Variants in LDLRAD3 observed in about 807,000 individuals in gnomAD.
The protein encoded by LDLRAD3 is low-density lipoprotein receptor class A domain-containing protein 3.
In LDLRAD3, 20 loss-of-function variants were observed where a neutral mutation model predicts 29.4. The ratio of observed to expected loss-of-function variants is 0.68; its 90% CI spans 0.48 to 0.99. The LOEUF is 0.99. Among genes scored for constraint, LDLRAD3 ranks in the 50% least tolerant of loss-of-function variants. The pLI is 0.00. For synonymous variants in LDLRAD3, 157 were observed against 192.7 expected, an observed-to-expected ratio of 0.81 and a Z score of 1.53; for missense variants, 420 against 454.3, an observed-to-expected ratio of 0.92 and a Z score of 0.69.
intron 2 of LDLRAD3, among the ~76,000 whole-genome samples, chr11:36,041,356 G>A (rs1222935778): frequency 6.6e-6 from 1 of 152,168 alleles, no homozygotes; most frequent in African/African-American, 2.4e-5. Context: ...CTTGCCTGTT[G>A]GCCCAGAAAA....
At chr11:36,015,292 C>G (rs1348876632) in intron 1 of LDLRAD3, among the ~76,000 whole-genome samples, 1 of 149,196 alleles carries the variant, frequency 6.7e-6, no homozygotes, top group African/African-American at 2.5e-5. Flanking sequence ...AAAAATAAAT[C>G]CGGGACATGC....
intron 4 of LDLRAD3, among the ~76,000 whole-genome samples, chr11:36,135,709 A>G (rs1015460646): frequency 6.6e-6 from 1 of 152,162 alleles, no homozygotes; most frequent in Non-Finnish European, 1.5e-5. Context: ...CAGGAGTTCA[A>G]CACCAGCCTG....
intron 1 of LDLRAD3, among the ~76,000 whole-genome samples, chr11:36,025,839 G>T (rs1565170092): frequency 6.7e-6 from 1 of 148,208 alleles, no homozygotes; most frequent in Non-Finnish European, 1.5e-5. Context: ...GAGTGCAGTG[G>T]CATGATCTTG....
chr11:36,150,121 C>T (rs1185331307), intron 4 of LDLRAD3, among the ~76,000 whole-genome samples: 3 of 152,188 alleles, frequency 2.0e-5, no homozygotes, highest in Non-Finnish European at 4.4e-5. Flanking sequence ...TGTCCCATCT[C>T]TAGGGAAGAA....
intron 3 of LDLRAD3, 86 bp downstream of exon 3, chr11:36,081,864 T>C: frequency 6.7e-7 from 1 of 1,485,686 alleles, no homozygotes; most frequent in Non-Finnish European, 9.3e-7. Context: ...CATCATGTGC[T>C]TCTTATACCT....
intron 1 of LDLRAD3, among the ~76,000 whole-genome samples, chr11:36,030,819 AG>A (rs1852227221): frequency 6.6e-6 from 1 of 152,204 alleles, no homozygotes; most frequent in Non-Finnish European, 1.5e-5. Flanking sequence ...CCCCTAGGGC[AG>A]GAAGAACAGC....
intron 1 of LDLRAD3, among the ~76,000 whole-genome samples, chr11:35,961,168 C>T (rs1014813752): frequency 6.6e-6 from 1 of 152,078 alleles, no homozygotes; most frequent in Non-Finnish European, 1.5e-5. Context: ...CGTGGCTCAG[C>T]GTATAGAAGG....
At chr11:36,108,952 A>C (rs755953826) in intron 4 of LDLRAD3, among the ~76,000 whole-genome samples, 1 of 152,116 alleles carries the variant, frequency 6.6e-6, no homozygotes, top group Non-Finnish European at 1.5e-5. Context: ...AGGAAACATC[A>C]GGGTAAGGGG....
intron 1 of LDLRAD3, among the ~76,000 whole-genome samples, chr11:35,982,848 CTTT>C (rs61605411): frequency 0.013 from 1,180 of 88,720 alleles, 20 homozygotes; most frequent in East Asian, 0.13. Context: ...CTGTTTGCTG[CTTT>C]TTTTTTTTTT....
chr11:36,083,642 C>G lies in LDLRAD3; in HGVS notation c.319+1864C>G, dbSNP rs376037783. On this transcript the variant is annotated intron_variant, in intron 3 of 5. Coordinates refer to ENST00000315571, the MANE Select transcript of LDLRAD3 (RefSeq NM_174902.4). ...TTGATTTTGGACTTACAATATACTT[C>G]TTTTGTATTTTAGTTAATCCTTTAG... is the stretch of plus-strand genomic sequence containing the variant. 1.6e-4 allele frequency among the ~76,000 whole-genome samples: 24 copies of G among 151,852 alleles called. No individual in the cohort carries two copies. The South Asian group carries it at 4.8e-3, about 30-fold the overall frequency.
intron 1 of LDLRAD3, among the ~76,000 whole-genome samples, chr11:35,946,616 C>T (rs768625299): frequency 6.6e-6 from 1 of 152,134 alleles, no homozygotes; most frequent in Non-Finnish European, 1.5e-5. Context: ...GGTTTAAGTG[C>T]GTATGGCTTG....
At chr11:36,039,620 C>A (rs142224385) in intron 2 of LDLRAD3, among the ~76,000 whole-genome samples, 18 of 152,252 alleles carry the variant, frequency 1.2e-4, no homozygotes, top group Non-Finnish European at 2.1e-4. Context: ...TTTATTTGGT[C>A]GTTGTCATGG....
chr11:36,158,513 C>A (rs1402809945), intron 4 of LDLRAD3, among the ~76,000 whole-genome samples: 1 of 143,018 alleles, frequency 7.0e-6, no homozygotes, highest in Non-Finnish European at 1.5e-5. Context: ...GTTCCACTTA[C>A]CATGTTCTGG....
chr11:36,209,900 G>T (rs1339915521), intron 4 of LDLRAD3, among the ~76,000 whole-genome samples: 2 of 152,120 alleles, frequency 1.3e-5, no homozygotes, highest in Admixed American at 1.3e-4. Flanking sequence ...TTCCTGGAAG[G>T]CTTCACAAAA....
intron 4 of LDLRAD3, among the ~76,000 whole-genome samples, chr11:36,113,436 TA>T (rs1178814303): frequency 6.8e-5 from 10 of 146,210 alleles, no homozygotes; most frequent in Non-Finnish European, 6.0e-5. Context: ...AGACTGAAAT[TA>T]AAAAAAAAAG....
rs1343780985 is a variant in LDLRAD3, at chr11:36,105,238, T to TGTGTGTGTGTGTGTGA, written c.454+6778_454+6779insTGTGTGTGTGTGTGAG. ...GTGTGTGTGTGTGTGTGTGTGTGTG[T>TGTGTGTGTGTGTGTGA]GAGAGAGAGAGAGAGAGAGAGAGAA... On this transcript the variant is annotated intron_variant, in intron 4 of 5. Transcript: ENST00000315571. Among the ~76,000 whole-genome samples, 52 of 128,412 alleles carry TGTGTGTGTGTGTGTGA rather than the reference T, an allele frequency of 4.0e-4. No homozygotes were observed. In the South Asian group the frequency reaches 7.6e-3, roughly 19 times the overall value. The allele number at this position is 128,412 out of a possible 152,430, so 84.2% of individuals were successfully genotyped here.
At chr11:36,204,152 T>G (rs1003360971) in intron 4 of LDLRAD3, among the ~76,000 whole-genome samples, 1 of 152,166 alleles carries the variant, frequency 6.6e-6, no homozygotes, top group African/African-American at 2.4e-5. Flanking sequence ...ATGGGCAAAC[T>G]TGGTGAAGTG....
chr11:36,200,488 C>A (rs1028930081), intron 4 of LDLRAD3, among the ~76,000 whole-genome samples: 1 of 152,174 alleles, frequency 6.6e-6, no homozygotes, highest in Non-Finnish European at 1.5e-5. Context: ...GGGATACATA[C>A]ATTCAGTCCA....
At chr11:36,193,272 C>T (rs982652666) in intron 4 of LDLRAD3, among the ~76,000 whole-genome samples, 1 of 152,116 alleles carries the variant, frequency 6.6e-6, no homozygotes, top group Non-Finnish European at 1.5e-5. Context: ...GTGATTATTA[C>T]TTTCCTGCCT....
Sources: gnomAD v4.1 joint callset for allele counts (sites outside exome capture counted in the v4.1 genomes callset) on GRCh38, gnomAD v4.1.1 for gene constraint, MANE v1.5 for transcripts, NCBI Gene and HGNC (gene_info 2026-07-23, HGNC 2026-07-21) for gene names.